The following GNAL variants were observed in gnomAD, a reference collection of about 807,000 sequenced individuals.
GNAL encodes guanine nucleotide-binding protein G(olf) subunit alpha.
GNAL carries 18 observed loss-of-function variants against 55.1 expected under a neutral mutation model. The observed-to-expected ratio is 0.33, with a 90% CI of 0.23 to 0.48. The LOEUF (loss-of-function observed/expected upper bound fraction) is 0.48, where lower values mean the gene tolerates loss of function less well. Ranked by LOEUF, GNAL falls within the 20% of genes least tolerant of loss-of-function variation. The pLI is 0.99. For missense variants in GNAL, 412 were observed against 614.1 expected (o/e 0.67, Z 3.48); for synonymous variants, 253 against 237.0 (o/e 1.07, Z -0.62).
At chr18:11,876,585 G>A in intron 10 of GNAL, 36 bp from the exon 11 acceptor site, 1 of 1,276,874 alleles carries the variant, frequency 7.8e-7, no homozygotes, top group East Asian at 2.3e-5. Flanking sequence ...TTTGTTTCAT[G>A]TTGCTTAAAT....
At chr18:11,867,994 G>A (rs2036304942) in intron 8 of GNAL, among the ~76,000 whole-genome samples, 1 of 151,768 alleles carries the variant, frequency 6.6e-6, no homozygotes, top group African/African-American at 2.4e-5. Context: ...GTGTTATGGC[G>A]CACACCTTTA....
At chr18:11,719,150 T>C (rs1167639608) in intron 1 of GNAL, among the ~76,000 whole-genome samples, 1 of 152,130 alleles carries the variant, frequency 6.6e-6, no homozygotes, top group African/African-American at 2.4e-5. Flanking sequence ...TCACAACTAT[T>C]TAAAAACATT....
At chr18:11,875,674 C>A (rs1444396037) in intron 10 of GNAL, among the ~76,000 whole-genome samples, 1 of 152,202 alleles carries the variant, frequency 6.6e-6, no homozygotes, top group African/African-American at 2.4e-5. Context: ...TCCCCAGAAG[C>A]CTAGCAGATA....
chr18:11,763,578 T>C (rs1000190385), intron 4 of GNAL, among the ~76,000 whole-genome samples: 6 of 151,954 alleles, frequency 3.9e-5, no homozygotes, highest in Admixed American at 2.6e-4. Flanking sequence ...GATTTCACCA[T>C]GTTGGCCAGG....
chr18:11,760,541 G>A (rs1288231233), intron 4 of GNAL, among the ~76,000 whole-genome samples: 2 of 152,202 alleles, frequency 1.3e-5, no homozygotes, highest in African/African-American at 4.8e-5. Context: ...ATTTTCAGAT[G>A]TAATTAATAA....
intron 5 of GNAL, among the ~76,000 whole-genome samples, chr18:11,856,594 G>A (rs1162069346): frequency 6.6e-6 from 1 of 150,786 alleles, no homozygotes; most frequent in East Asian, 1.9e-4. Context: ...TCCCTGCTGA[G>A]AAATGCCAGG....
chr18:11,756,517 T>C (rs969816283), intron 4 of GNAL, among the ~76,000 whole-genome samples: 1 of 151,440 alleles, frequency 6.6e-6, no homozygotes, highest in Admixed American at 6.6e-5. Context: ...GAGTATATTT[T>C]ATATATATAT....
At position 11,877,182 on chromosome 18, in the gene GNAL, G is replaced by A. The variant is rs541447020; in HGVS notation, c.1230+494G>A. Among the ~76,000 whole-genome samples, 18 of 152,280 alleles carry A rather than the reference G, an allele frequency of 1.2e-4. No individual in the cohort carries two copies. In the South Asian group the frequency reaches 1.7e-3, roughly 14 times the overall value. ...ACTCCCATATACTCAGGCCGGGTGCGGTGGCTCATGCCTGTCATCCCAGCA... is the reference window on the plus strand; with the variant it reads ...ACTCCCATATACTCAGGCCGGGTGCAGTGGCTCATGCCTGTCATCCCAGCA... On this transcript the variant is annotated intron_variant, in intron 11 of 11. Transcript: ENST00000334049.
intron 4 of GNAL, among the ~76,000 whole-genome samples, chr18:11,778,208 T>C (rs2033836130): frequency 6.6e-6 from 1 of 152,174 alleles, no homozygotes; most frequent in South Asian, 2.1e-4. Flanking sequence ...GAAAAGTTTT[T>C]CATTTGACCA....
intron 5 of GNAL, among the ~76,000 whole-genome samples, chr18:11,846,486 CA>C (rs1322642514): frequency 0.015 from 2,300 of 149,716 alleles, 58 homozygotes; most frequent in African/African-American, 0.054. Context: ...CACACACACA[CA>C]CACACAGACT....
chr18:11,712,021 A>G (rs564656822), intron 1 of GNAL, among the ~76,000 whole-genome samples: 1 of 152,288 alleles, frequency 6.6e-6, no homozygotes, highest in East Asian at 1.9e-4. Context: ...GTGTCTCACT[A>G]CTATACCATA....
In GNAL at chr18:11,770,967, C is replaced by T. The variant is rs529775103; in HGVS notation, c.624+17022C>T. Among the ~76,000 whole-genome samples the T allele has an allele frequency of 1.4e-3, 209 of 152,140 alleles. 2 individuals are homozygous for T. Among genetic ancestry groups the T allele is most frequent in the African/African-American group, 4.6e-3 (193 of 41,518 alleles). ...CGGTGGCTCAAGCCTGTAATCCCAG[C>T]ACTTAGGGAGGCCAAGGCAGGTGAA... On this transcript the variant is annotated intron_variant, in intron 4 of 11. Coordinates refer to ENST00000334049, the MANE Select transcript of GNAL (RefSeq NM_182978.4).
chr18:11,690,645 T>C (rs991896098), intron 1 of GNAL, among the ~76,000 whole-genome samples: 1 of 129,022 alleles, frequency 7.8e-6, no homozygotes, highest in African/African-American at 2.9e-5. Flanking sequence ...GAGTGTGATG[T>C]TCCCCTTCCT....
At chr18:11,824,243 G>T (rs898574783) in intron 4 of GNAL, among the ~76,000 whole-genome samples, 1 of 107,716 alleles carries the variant, frequency 9.3e-6, no homozygotes, top group Non-Finnish European at 1.9e-5. Flanking sequence ...TAATATGCAT[G>T]TTTTTTTCAT....
intron 4 of GNAL, among the ~76,000 whole-genome samples, chr18:11,812,811 C>G (rs2034852169): frequency 6.6e-6 from 1 of 151,542 alleles, no homozygotes; most frequent in Non-Finnish European, 1.5e-5. Context: ...CCACTGCACT[C>G]CAGCCTGGGT....
intron 10 of GNAL, among the ~76,000 whole-genome samples, chr18:11,875,810 T>C (rs1217914285): frequency 6.6e-6 from 1 of 152,192 alleles, no homozygotes; most frequent in Non-Finnish European, 1.5e-5. Flanking sequence ...AGCTGGATAA[T>C]TTATGAACAA....
intron 1 of GNAL, among the ~76,000 whole-genome samples, chr18:11,741,677 A>G (rs1472188514): frequency 6.6e-6 from 1 of 152,208 alleles, no homozygotes; most frequent in African/African-American, 2.4e-5. Context: ...GTTGCTTTAA[A>G]AGCACCTCAG....
At chr18:11,880,406 T>TA (rs201769085) in intron 11 of GNAL, among the ~76,000 whole-genome samples, 2,411 of 151,808 alleles carry the variant, frequency 0.016, 39 homozygotes, top group Non-Finnish European at 0.025. Flanking sequence ...CCGTCTCTAC[T>TA]AAAAATACAA....
In GNAL at chr18:11,884,353, TG is replaced by T. The variant is rs2036860395; in HGVS notation, c.*3219del. The T allele has an allele frequency of 3.3e-6, 4 of 1,220,980 alleles. No individual in the cohort carries two copies. In the East Asian group the frequency reaches 9.4e-5, roughly 29 times the overall value. 75.6% of individuals were successfully genotyped at this position (1,220,980 alleles called of 1,614,324 possible). On this transcript the variant is annotated 3_prime_UTR_variant, in exon 12 of 12. Transcript: ENST00000334049. ...TTCTGTGCTGTGCAGAGAGACGGCC[TG>T]TAATTGGTCTCATCATCCACTTGAT...
Sources: allele counts gnomAD v4.1 joint callset (sites outside exome capture counted in the v4.1 genomes callset), GRCh38; gene constraint gnomAD v4.1.1; transcripts MANE v1.5; gene names NCBI Gene and HGNC (gene_info 2026-07-23, HGNC 2026-07-21).